The following GATAD2B variants were observed in gnomAD, a reference collection of about 807,000 sequenced individuals.
GATAD2B encodes the protein transcriptional repressor p66-beta.
A neutral mutation model predicts 64.3 loss-of-function variants in GATAD2B; 8 were observed. That is an observed-to-expected ratio of 0.12 (90% confidence interval 0.07 to 0.22). The LOEUF (loss-of-function observed/expected upper bound fraction) is 0.22. Ranked by LOEUF, GATAD2B falls within the 10% of genes least tolerant of loss-of-function variation. The pLI is 1.00. For synonymous variants in GATAD2B, 281 were observed against 271.3 expected (o/e 1.04, Z -0.35); for missense variants, 453 against 752.0 (o/e 0.60, Z 4.65).
chr1:153,889,631 A>T, intron 1 of GATAD2B: 1 of 589,234 alleles, frequency 1.7e-6, no homozygotes, highest in Non-Finnish European at 2.1e-6. Flanking sequence ...ACAGCTGGCA[A>T]GAGGAAAGTT....
intron 1 of GATAD2B, among the ~76,000 whole-genome samples, chr1:153,843,799 AACC>A (rs1180581033): frequency 2.8e-5 from 4 of 145,436 alleles, no homozygotes; most frequent in African/African-American, 1.0e-4. Context: ...CACCTAAAAG[AACC>A]ACCACCACCA....
intron 1 of GATAD2B, among the ~76,000 whole-genome samples, chr1:153,891,169 G>A (rs1380549181): frequency 1.4e-5 from 2 of 146,916 alleles, no homozygotes; most frequent in African/African-American, 5.0e-5. Flanking sequence ...GGGCGACAGC[G>A]AGATTCCGCC....
At chr1:153,901,116 A>C (rs1164332790) in intron 1 of GATAD2B, among the ~76,000 whole-genome samples, 1 of 152,072 alleles carries the variant, frequency 6.6e-6, no homozygotes, top group African/African-American at 2.4e-5. Flanking sequence ...CAGGAGGCTG[A>C]GGCAGAAGAA....
At chr1:153,905,785 A>T (rs911772833) in intron 1 of GATAD2B, among the ~76,000 whole-genome samples, 1 of 149,352 alleles carries the variant, frequency 6.7e-6, no homozygotes, top group Non-Finnish European at 1.5e-5. Flanking sequence ...AAAAAAAAAA[A>T]GCCGGGTGCA....
chr1:153,851,147 C>T (rs997581313), intron 1 of GATAD2B, among the ~76,000 whole-genome samples: 1 of 152,168 alleles, frequency 6.6e-6, no homozygotes, highest in African/African-American at 2.4e-5. Flanking sequence ...CCATTTGACT[C>T]TGTCAACCTA....
At position 153,805,291 on chromosome 1, in the gene GATAD2B, G is replaced by A. The variant is rs1454407118; in HGVS notation, c.*4886C>T. The A allele has an allele frequency of 6.6e-6, 1 of 152,202 alleles. No individual in the cohort carries two copies. Among genetic ancestry groups the A allele is most frequent in the Non-Finnish European group, 1.5e-5 (1 of 68,042 alleles). 9.4% of individuals were successfully genotyped at this position (152,202 alleles called of 1,614,324 possible). ...GGAAAGGAGACAAAATGTGGGCTGTGTCTGCGCTCTCCTATTTTATCACCA... is the reference window on the plus strand; with the variant it reads ...GGAAAGGAGACAAAATGTGGGCTGTATCTGCGCTCTCCTATTTTATCACCA... On this transcript the variant is annotated 3_prime_UTR_variant, in exon 11 of 11. Transcript: ENST00000368655.
chr1:153,889,066 TAAATCTTTTA>T (rs552185009), intron 1 of GATAD2B, among the ~76,000 whole-genome samples: 6 of 152,230 alleles, frequency 3.9e-5, no homozygotes, highest in Non-Finnish European at 8.8e-5. Context: ...GTGACTTCCA[TAAATCTTTTA>T]ATTTGCCCTC....
intron 1 of GATAD2B, among the ~76,000 whole-genome samples, chr1:153,870,415 T>A (rs768186502): frequency 8.6e-5 from 13 of 151,962 alleles, no homozygotes; most frequent in Non-Finnish European, 1.9e-4. Flanking sequence ...ACTAAAAAAA[T>A]TTAAAAAATT....
chr1:153,817,376 T>C lies in GATAD2B; in HGVS notation c.896A>G (p.Gln299Arg). 6.4e-7 allele frequency: 1 copy of C among 1,564,548 alleles called. No individual in the cohort carries two copies. The change falls in exon 6 of 11, where the codon CAA (glutamine) becomes CGA (arginine). Residue 299 changes from glutamine to arginine, a missense_variant. By Grantham distance (43) the Gln-to-Arg change is conservative. Around this residue, in one of 2 missense-constraint regions of GATAD2B, gnomAD observed 293 missense variants for 417.2 expected, o/e 0.70. Coordinates refer to ENST00000368655, the MANE Select transcript of GATAD2B (RefSeq NM_020699.4). ...TPNMNPAINY[Q>R]PQSSSSVPCQ... ...TAGGGCTCAGCTCTCTCTTACCGGT[T>C]GATAATTGATGGCGGGATTCATGTT... is the stretch of plus-strand genomic sequence containing the variant.
At chr1:153,820,886 A>T (rs781480603) in intron 2 of GATAD2B, among the ~76,000 whole-genome samples, 2 of 151,210 alleles carry the variant, frequency 1.3e-5, no homozygotes, top group Non-Finnish European at 2.9e-5. Context: ...CTTTGGCCTT[A>T]AACAATCAAC....
At chr1:153,853,034 G>A (rs1675959267) in intron 1 of GATAD2B, 10 of 1,464,986 alleles carry the variant, frequency 6.8e-6, no homozygotes. Flanking sequence ...ATGAATCCTT[G>A]GCCCCAGTCA....
At chr1:153,821,652 C>T (rs1228318288) in intron 2 of GATAD2B, among the ~76,000 whole-genome samples, 2 of 151,812 alleles carry the variant, frequency 1.3e-5, no homozygotes, top group African/African-American at 2.4e-5. Context: ...CTGGAACCTC[C>T]GTCTCCTGGG....
chr1:153,845,872 C>G (rs1300788686), intron 1 of GATAD2B, among the ~76,000 whole-genome samples: 1 of 151,982 alleles, frequency 6.6e-6, no homozygotes, highest in Non-Finnish European at 1.5e-5. Flanking sequence ...GTGTTTGAGA[C>G]TGCAGTTTAC....
At chr1:153,909,924 G>A (rs1367440709) in intron 1 of GATAD2B, among the ~76,000 whole-genome samples, 2 of 148,892 alleles carry the variant, frequency 1.3e-5, no homozygotes, top group African/African-American at 4.9e-5. Context: ...CTCCAGCCTG[G>A]GCAACAGAGC....
chr1:153,882,749 A>T (rs188529770), intron 1 of GATAD2B, among the ~76,000 whole-genome samples: 1 of 150,848 alleles, frequency 6.6e-6, no homozygotes, highest in South Asian at 2.1e-4. Flanking sequence ...ACACATCCCT[A>T]TGTCATTCTA....
Position 153,892,264 on chromosome 1 carries a change from A to G in GATAD2B, c.-2+30469T>C, listed in dbSNP as rs528578824. On this transcript the variant is annotated intron_variant, in intron 1 of 10. Coordinates refer to ENST00000368655, the MANE Select transcript of GATAD2B (RefSeq NM_020699.4). ...AAGTCACTCACAAAACTCAAGAGTA[A>G]AACAGGTAACAAGACTATTATAGTA... 2.0e-5 allele frequency among the ~76,000 whole-genome samples: 3 copies of G among 152,230 alleles called. No homozygotes were observed. The South Asian group carries it at 6.2e-4, about 32-fold the overall frequency.
At chr1:153,911,111 G>C (rs1338139321) in intron 1 of GATAD2B, among the ~76,000 whole-genome samples, 4 of 152,072 alleles carry the variant, frequency 2.6e-5, no homozygotes, top group African/African-American at 9.7e-5. Flanking sequence ...AGGGAATAAA[G>C]TGAAAAAAGA....
At chr1:153,818,645 A>T (rs552820319) in intron 4 of GATAD2B, 146 bp downstream of exon 4, 19 of 439,402 alleles carry the variant, frequency 4.3e-5, no homozygotes, top group South Asian at 1.5e-4. Context: ...GCCTAAGATT[A>T]AAAAAAAAAT....
At chr1:153,894,935 G>C (rs1320103414) in intron 1 of GATAD2B, among the ~76,000 whole-genome samples, 1 of 152,084 alleles carries the variant, frequency 6.6e-6, no homozygotes, top group Non-Finnish European at 1.5e-5. Context: ...AAGGCAGGTG[G>C]ATCACCTGAG....
Sources: allele counts gnomAD v4.1 joint callset (sites outside exome capture counted in the v4.1 genomes callset), GRCh38; gene constraint gnomAD v4.1.1; regional missense constraint gnomAD v4.1.1; transcripts MANE v1.5; gene names NCBI Gene and HGNC (gene_info 2026-07-23, HGNC 2026-07-21).